Variants in SUPT3H observed in about 807,000 individuals in gnomAD.
SUPT3H encodes transcription initiation protein SPT3 homolog.
SUPT3H carries 44 observed loss-of-function variants against 44.3 expected under a neutral mutation model. The observed-to-expected ratio is 0.99, with a 90% CI of 0.78 to 1.28. SUPT3H has a LOEUF of 1.28. Among genes scored for constraint, SUPT3H ranks in the 50% most tolerant of loss-of-function variants. The pLI, the probability that SUPT3H is intolerant of heterozygous loss-of-function variation, is 0.00. For synonymous variants in SUPT3H, 124 were observed against 125.6 expected (o/e 0.99, Z 0.09); for missense variants, 380 against 387.1 (o/e 0.98, Z 0.15).
intron 10 of SUPT3H, among the ~76,000 whole-genome samples, chr6:44,872,456 T>G: frequency 1.4e-5 from 2 of 146,964 alleles, no homozygotes; most frequent in African/African-American, 2.5e-5. Context: ...GCTGAGAGAT[T>G]TTGTCACCAC....
At chr6:45,116,595 T>G (rs907129965) in intron 2 of SUPT3H, among the ~76,000 whole-genome samples, 2 of 152,146 alleles carry the variant, frequency 1.3e-5, no homozygotes, top group African/African-American at 4.8e-5. Flanking sequence ...ATTAGCTTTG[T>G]CCCCTGGAAC....
At chr6:45,163,121 T>C (rs1271152193) in intron 2 of SUPT3H, among the ~76,000 whole-genome samples, 2 of 152,192 alleles carry the variant, frequency 1.3e-5, no homozygotes, top group Non-Finnish European at 2.9e-5. Context: ...TATGGAATTC[T>C]TGAGCACTAG....
chr6:45,065,276 C>T (rs1349394982), intron 3 of SUPT3H, among the ~76,000 whole-genome samples: 8 of 143,344 alleles, frequency 5.6e-5, no homozygotes, highest in African/African-American at 1.8e-4. Flanking sequence ...AACAAAGACA[C>T]AACATACCAG....
At chr6:45,298,052 G>GT (rs1253604449) in intron 2 of SUPT3H, among the ~76,000 whole-genome samples, 2 of 152,136 alleles carry the variant, frequency 1.3e-5, no homozygotes, top group Non-Finnish European at 2.9e-5. Flanking sequence ...TCCAAAGCTG[G>GT]TAACTTTTTA....
intron 6 of SUPT3H, among the ~76,000 whole-genome samples, chr6:44,970,320 T>C (rs1362224545): frequency 6.6e-6 from 1 of 152,176 alleles, no homozygotes; most frequent in Admixed American, 6.5e-5. Flanking sequence ...TGGGATAAAA[T>C]GTGTGTTAAG....
intron 9 of SUPT3H, among the ~76,000 whole-genome samples, chr6:44,933,464 T>C (rs1770916886): frequency 6.6e-6 from 1 of 152,204 alleles, no homozygotes; most frequent in Non-Finnish European, 1.5e-5. Flanking sequence ...TCAAAATAAC[T>C]TATAGGGCTA....
chr6:45,247,387 A>T (rs541444958), intron 2 of SUPT3H, among the ~76,000 whole-genome samples: 1 of 152,340 alleles, frequency 6.6e-6, no homozygotes, highest in African/African-American at 2.4e-5. Context: ...AAACCCTGAC[A>T]TACCAGCTTA....
chr6:45,362,567 A>T (rs1171675752), intron 2 of SUPT3H, among the ~76,000 whole-genome samples: 1 of 152,174 alleles, frequency 6.6e-6, no homozygotes, highest in African/African-American at 2.4e-5. Flanking sequence ...ATACCAGTAA[A>T]TTTAAAAGGA....
intron 3 of SUPT3H, among the ~76,000 whole-genome samples, chr6:45,060,566 C>T (rs375503249): frequency 6.6e-6 from 1 of 151,846 alleles, no homozygotes; most frequent in Non-Finnish European, 1.5e-5. Context: ...CCAAAAGCAG[C>T]TTCAACAAAA....
intron 2 of SUPT3H, among the ~76,000 whole-genome samples, chr6:45,130,432 G>A (rs1803250577): frequency 1.3e-5 from 2 of 151,928 alleles, no homozygotes; most frequent in African/African-American, 4.8e-5. Context: ...TCAGCTGATG[G>A]ACCTTTGGAT....
chr6:45,062,332 T>G (rs1019830610), intron 3 of SUPT3H, among the ~76,000 whole-genome samples: 8 of 152,126 alleles, frequency 5.3e-5, no homozygotes, highest in African/African-American at 1.9e-4. Context: ...AAGGCATAAA[T>G]CCAGAGCATT....
At chr6:45,354,626 CACAT>C (rs1792770461) in intron 2 of SUPT3H, among the ~76,000 whole-genome samples, 1 of 95,104 alleles carries the variant, frequency 1.1e-5, no homozygotes, top group Non-Finnish European at 2.3e-5. Flanking sequence ...AATGCACGCA[CACAT>C]ACACACACAC....
chr6:44,815,013 T>TA (rs1417512193), intron 11 of SUPT3H, among the ~76,000 whole-genome samples: 4 of 151,742 alleles, frequency 2.6e-5, no homozygotes, highest in Admixed American at 1.3e-4. Context: ...TCTGCAGTCT[T>TA]AAAAAAAAGT....
At chr6:45,215,799 G>A (rs991885567) in intron 2 of SUPT3H, among the ~76,000 whole-genome samples, 7 of 152,136 alleles carry the variant, frequency 4.6e-5, no homozygotes, top group Non-Finnish European at 7.4e-5. Context: ...GAAGTCTGGG[G>A]AAAGATATGG....
chr6:45,005,394 T>A (rs1318718260), intron 5 of SUPT3H, among the ~76,000 whole-genome samples: 1 of 152,166 alleles, frequency 6.6e-6, no homozygotes, highest in Non-Finnish European at 1.5e-5. Flanking sequence ...TAAAAATGTT[T>A]ATCCTAGTCT....
chr6:45,100,412 C>G, intron 3 of SUPT3H, among the ~76,000 whole-genome samples: 1 of 151,100 alleles, frequency 6.6e-6, no homozygotes, highest in Admixed American at 6.6e-5. Context: ...GAATCAACAT[C>G]TTTCAAAAGA....
chr6:44,844,692 T>C (rs1462151251), intron 10 of SUPT3H, among the ~76,000 whole-genome samples: 1 of 152,068 alleles, frequency 6.6e-6, no homozygotes, highest in African/African-American at 2.4e-5. Flanking sequence ...AATGGGAAAA[T>C]TATAGGGTCA....
chr6:45,031,245 T>A (rs1786885617), intron 3 of SUPT3H, among the ~76,000 whole-genome samples: 1 of 152,214 alleles, frequency 6.6e-6, no homozygotes, highest in Admixed American at 6.5e-5. Flanking sequence ...TATCAAATTA[T>A]TATTAAGTAT....
At chr6:45,241,784 G>A (rs1247783579) in intron 2 of SUPT3H, among the ~76,000 whole-genome samples, 5 of 151,988 alleles carry the variant, frequency 3.3e-5, no homozygotes, top group Non-Finnish European at 5.9e-5. Flanking sequence ...GAAATGGAAG[G>A]GGGAAAAAGA....
Sources: allele counts gnomAD v4.1 joint callset (sites outside exome capture counted in the v4.1 genomes callset), GRCh38; gene constraint gnomAD v4.1.1; transcripts MANE v1.5; gene names NCBI Gene and HGNC (gene_info 2026-07-23, HGNC 2026-07-21).